Variants in SULF1 observed in about 807,000 individuals in gnomAD.
SULF1 encodes extracellular sulfatase Sulf-1.
SULF1 carries 46 observed loss-of-function variants against 110.5 expected under a neutral mutation model. The ratio of observed to expected loss-of-function variants is 0.42; its 90% CI spans 0.33 to 0.53. The LOEUF is 0.53. Among genes scored for constraint, SULF1 ranks in the 20% least tolerant of loss-of-function variants. The pLI is 0.12. For missense variants in SULF1, 941 were observed against 1,094.2 expected, an observed-to-expected ratio of 0.86 and a Z score of 1.98; for synonymous variants, 371 against 387.1, an observed-to-expected ratio of 0.96 and a Z score of 0.49.
At position 69,600,610 on chromosome 8, in the gene SULF1, A is replaced by G; in HGVS notation, c.742A>G (p.Ser248Gly). Reference protein sequence around the residue: ...YPNASQHITPSYNYAPNMDKH... With the variant: ...YPNASQHITPGYNYAPNMDKH... ...CTTTCTGGATATTTTCAGAACTCCT[A>G]GTTATAACTATGCACCAAATATGGA... is the stretch of plus-strand genomic sequence containing the variant. The change falls in exon 9 of 23, where the codon AGT (serine) becomes GGT (glycine). Residue 248 changes from serine (S) to glycine (G), a missense_variant. This residue lies in a region of SULF1 where 822 missense variants were observed against 934.3 expected (regional missense o/e 0.88). Coordinates refer to ENST00000402687, the MANE Select transcript of SULF1 (RefSeq NM_001128205.2). The G allele has an allele frequency of 6.2e-7, 1 of 1,610,024 alleles. No homozygotes were observed. Among genetic ancestry groups the G allele is most frequent in the Non-Finnish European group, 8.5e-7 (1 of 1,177,482 alleles).
At chr8:69,575,234 G>C (rs1028206102) in intron 5 of SULF1, among the ~76,000 whole-genome samples, 1 of 149,734 alleles carries the variant, frequency 6.7e-6, no homozygotes, top group Non-Finnish European at 1.5e-5. Context: ...GCAATCTTAC[G>C]TTACCAGTTG....
intron 22 of SULF1, chr8:69,642,133 T>G (rs1003732079): frequency 1.1e-5 from 8 of 713,392 alleles, no homozygotes; most frequent in Non-Finnish European, 3.4e-6. Context: ...CCATCTATAT[T>G]AATATCTTCT....
intron 19 of SULF1, among the ~76,000 whole-genome samples, chr8:69,634,654 G>A (rs1408671160): frequency 6.6e-6 from 1 of 152,044 alleles, no homozygotes; most frequent in Non-Finnish European, 1.5e-5. Flanking sequence ...CCAGCTACTT[G>A]GGAGGCTGAG....
intron 3 of SULF1, among the ~76,000 whole-genome samples, chr8:69,521,054 T>C (rs1031017): frequency 0.82 from 124,783 of 152,092 alleles, 51,320 homozygotes; most frequent in East Asian, 0.89. Context: ...ATTTGAAAAC[T>C]AGACAGATTT....
chr8:69,613,571 ATGCC>A (rs1808840355), intron 13 of SULF1, among the ~76,000 whole-genome samples: 2 of 152,190 alleles, frequency 1.3e-5, no homozygotes, highest in Non-Finnish European at 1.5e-5. Context: ...GATACATATT[ATGCC>A]CATTTTAGAT....
At chr8:69,501,342 A>G (rs1014229200) in intron 2 of SULF1, among the ~76,000 whole-genome samples, 11 of 152,208 alleles carry the variant, frequency 7.2e-5, no homozygotes, top group African/African-American at 2.4e-4. Flanking sequence ...CTCATATTCA[A>G]AGTGTTCAAA....
intron 1 of SULF1, among the ~76,000 whole-genome samples, chr8:69,473,885 A>G (rs1809194614): frequency 6.6e-6 from 1 of 152,252 alleles, no homozygotes; most frequent in Non-Finnish European, 1.5e-5. Flanking sequence ...CTTTCCAATC[A>G]GTAAATAGTG....
intron 10 of SULF1, 27 bp downstream of exon 10, chr8:69,601,856 C>T (rs1305017188): frequency 6.3e-7 from 1 of 1,580,128 alleles, no homozygotes; most frequent in Non-Finnish European, 8.6e-7. Context: ...TTGCAACATT[C>T]AACTGTCGTA....
chr8:69,514,005 G>C (rs557203659), intron 3 of SULF1, among the ~76,000 whole-genome samples: 56 of 152,334 alleles, frequency 3.7e-4, no homozygotes, highest in Non-Finnish European at 2.9e-5. Flanking sequence ...CTGACTGGTT[G>C]TGTAACCTTG....
At chr8:69,499,163 A>G (rs969314750) in intron 2 of SULF1, among the ~76,000 whole-genome samples, 5 of 152,174 alleles carry the variant, frequency 3.3e-5, no homozygotes, top group Non-Finnish European at 5.9e-5. Flanking sequence ...CGGGTCCCAG[A>G]CTTACATTAT....
chr8:69,592,139 T>C (rs958438280), intron 8 of SULF1, among the ~76,000 whole-genome samples: 1 of 152,170 alleles, frequency 6.6e-6, no homozygotes, highest in African/African-American at 2.4e-5. Context: ...GGGTAAAATT[T>C]CTGCAGATAA....
chr8:69,574,366 A>G (rs117711436), intron 5 of SULF1, among the ~76,000 whole-genome samples: 1 of 152,218 alleles, frequency 6.6e-6, no homozygotes, highest in Non-Finnish European at 1.5e-5. Flanking sequence ...CCAGAGCATC[A>G]CACATGTCAC....
At chr8:69,643,398 G>T (rs964920094) in intron 22 of SULF1, among the ~76,000 whole-genome samples, 89 of 149,392 alleles carry the variant, frequency 6.0e-4, no homozygotes, top group African/African-American at 2.0e-3. Flanking sequence ...TTTAGATTTT[G>T]ACAGTTTTAG....
chr8:69,538,895 G>A (rs1813656953), intron 3 of SULF1, among the ~76,000 whole-genome samples: 1 of 152,132 alleles, frequency 6.6e-6, no homozygotes, highest in Admixed American at 6.5e-5. Flanking sequence ...GTTTCACCAT[G>A]TTGGCCAAGC....
At chr8:69,545,085 C>CTTTTTTTTTTTTTTT (rs56914726) in intron 3 of SULF1, among the ~76,000 whole-genome samples, 3 of 134,930 alleles carry the variant, frequency 2.2e-5, no homozygotes, top group African/African-American at 5.4e-5. Flanking sequence ...TAAAGGAATT[C>CTTTTTTTTTTTTTTT]TTTTTTTTTT....
At chr8:69,596,515 A>G (rs1300303086) in intron 8 of SULF1, among the ~76,000 whole-genome samples, 4 of 152,204 alleles carry the variant, frequency 2.6e-5, no homozygotes. Flanking sequence ...CTGATTGGGA[A>G]GCAGAAGCAG....
intron 3 of SULF1, among the ~76,000 whole-genome samples, chr8:69,541,351 T>C (rs868347098): frequency 2.4e-4 from 36 of 152,208 alleles, no homozygotes; most frequent in African/African-American, 8.2e-4. Context: ...CAGGTAAGCC[T>C]GCCAGTGTCG....
chr8:69,575,553 T>C (rs918066234), intron 5 of SULF1, among the ~76,000 whole-genome samples: 1 of 152,168 alleles, frequency 6.6e-6, no homozygotes, highest in Non-Finnish European at 1.5e-5. Flanking sequence ...ATAGTAGTAA[T>C]CTACACTAGT....
At chr8:69,556,835 G>A (rs1815148060) in intron 3 of SULF1, among the ~76,000 whole-genome samples, 2 of 152,084 alleles carry the variant, frequency 1.3e-5, no homozygotes, top group African/African-American at 4.8e-5. Flanking sequence ...GTGTGTCATG[G>A]TGGCTTGCTG....
Sources: allele counts gnomAD v4.1 joint callset (sites outside exome capture counted in the v4.1 genomes callset), GRCh38; gene constraint gnomAD v4.1.1; regional missense constraint gnomAD v4.1.1; transcripts MANE v1.5; gene names NCBI Gene and HGNC (gene_info 2026-07-23, HGNC 2026-07-21).